Variants in BTD observed in about 807,000 individuals in gnomAD.
BTD encodes the protein biocytinase.
BTD carries 13 observed loss-of-function variants against 17.7 expected under a neutral mutation model. The observed-to-expected ratio is 0.74, with a 90% confidence interval of 0.48 to 1.17. BTD has a LOEUF of 1.17. Among genes scored for constraint, BTD ranks in the 50% most tolerant of loss-of-function variants. The pLI is 0.00. For missense variants in BTD, 674 were observed against 650.4 expected, an observed-to-expected ratio of 1.04 and a Z score of -0.39; for synonymous variants, 240 against 245.2, an observed-to-expected ratio of 0.98 and a Z score of 0.20.
chr3:15,641,260 C>T (rs771616882), intron 2 of BTD, among the ~76,000 whole-genome samples: 1 of 152,126 alleles, frequency 6.6e-6, no homozygotes, highest in Non-Finnish European at 1.5e-5. Context: ...AGATTTCAAG[C>T]GAGTTCTTGT....
intron 3 of BTD, chr3:15,689,851 C>A (rs1575163028): frequency 1.6e-6 from 1 of 616,046 alleles, no homozygotes; most frequent in Non-Finnish European, 2.7e-6. Flanking sequence ...TTTGTAAATT[C>A]ATTTGTGTGA....
At position 15,601,828 on chromosome 3, in the gene BTD, G is replaced by A. The variant is rs201756597; in HGVS notation, c.-83G>A. 1.2e-6 allele frequency: 2 copies of A among 1,614,086 alleles called. No individual in the cohort carries two copies. The highest frequency in any genetic ancestry group is 1.3e-5 in the African/African-American group (1 of 74,930). ...TGTCTCCGAGTCGGCCAGCTGGAGCGTTTTCGGGGCTGTAAAGGGAGAATG... is the reference window on the plus strand; with the variant it reads ...TGTCTCCGAGTCGGCCAGCTGGAGCATTTTCGGGGCTGTAAAGGGAGAATG... On this transcript the variant is annotated 5_prime_UTR_variant, in exon 1 of 4. Transcript: ENST00000643237.
chr3:15,642,187 C>G, intron 3 of BTD, 130 bp downstream of exon 3: 3 of 1,523,636 alleles, frequency 2.0e-6, no homozygotes, highest in Non-Finnish European at 2.6e-6. Context: ...ACCCAAACTC[C>G]CAAAGATCCA....
downstream of BTD, among the ~76,000 whole-genome samples, chr3:15,722,399 G>A (rs1039896691): frequency 6.6e-6 from 1 of 152,242 alleles, no homozygotes; most frequent in African/African-American, 2.4e-5. Context: ...TCCGTGAAGA[G>A]TGGACAAGGG....
intron 3 of BTD, chr3:15,697,443 A>G (rs1276167257): frequency 6.6e-6 from 1 of 152,198 alleles, no homozygotes; most frequent in African/African-American, 2.4e-5. Context: ...CTATGTAACC[A>G]AAAACCACCT....
At chr3:15,610,806 A>C (rs1382744498) in intron 1 of BTD, among the ~76,000 whole-genome samples, 1 of 152,204 alleles carries the variant, frequency 6.6e-6, no homozygotes, top group Non-Finnish European at 1.5e-5. Context: ...GATTTAAAAG[A>C]TAGGGTATTT....
At chr3:15,690,178 A>G (rs1041467290) in intron 3 of BTD, 6 of 1,607,962 alleles carry the variant, frequency 3.7e-6, no homozygotes, top group Non-Finnish European at 5.1e-6. Context: ...TCTAACAAAG[A>G]CTGTACCAAC....
chr3:15,686,728 C>T (rs1470909317), intron 3 of BTD, among the ~76,000 whole-genome samples: 3 of 152,318 alleles, frequency 2.0e-5, no homozygotes, highest in African/African-American at 7.2e-5. Flanking sequence ...CCAGGTCTGA[C>T]TACTGAGATG....
intron 3 of BTD, chr3:15,696,279 T>C (rs773910167): frequency 7.4e-7 from 1 of 1,358,596 alleles, no homozygotes; most frequent in Non-Finnish European, 1.0e-6. Flanking sequence ...CTGAAAATCC[T>C]AAATCCTGCA....
intron 3 of BTD, among the ~76,000 whole-genome samples, chr3:15,702,376 CTT>C (rs1338801055): frequency 3.3e-5 from 5 of 152,140 alleles, no homozygotes; most frequent in Admixed American, 3.3e-4. Flanking sequence ...TCTGTATACT[CTT>C]TTTTCTGTTT....
rs552436982 is a variant in BTD, at chr3:15,644,657, G to A, written c.741G>A (p.Val247=). ...VLRDYKVKHV[V]YPTAWMNQLP... ...GAGACTACAAGGTGAAGCATGTTGTGTACCCAACTGCCTGGATGAACCAGC... is the reference window on the plus strand; with the variant it reads ...GAGACTACAAGGTGAAGCATGTTGTATACCCAACTGCCTGGATGAACCAGC... Residue 247 remains valine, a synonymous_variant, in exon 4 of 4, where the codon GTG becomes GTA. Transcript: ENST00000643237. The A allele has an allele frequency of 5.6e-6, 9 of 1,614,154 alleles. No homozygotes were observed. The South Asian group carries it at 9.9e-5, about 18-fold the overall frequency.
chr3:15,635,684 A>G lies in BTD; in HGVS notation c.245A>G (p.Gln82Arg), dbSNP rs773170939. Residue 82 changes from glutamine (Q) to arginine (R), a missense_variant, in exon 2 of 4, where the codon CAA becomes CGA. Gln to Arg is a conservative substitution (Grantham distance 43). Transcript: ENST00000643237. The surrounding 1 kb of genome is among the most constrained non-coding windows in gnomAD (Gnocchi z 4.1). ...IYEQQVMTAA[Q>R]KDVQIIVFPE... ...GAACAGCAAGTGATGACTGCAGCCC[A>G]AAAGGCAAGAATGCTCCTCGGAACC... The G allele has an allele frequency of 1.1e-5, 17 of 1,614,084 alleles. No homozygotes were observed. In the South Asian group the frequency reaches 1.9e-4, roughly 18 times the overall value.
At chr3:15,663,598 G>A (rs931473133) in intron 3 of BTD, among the ~76,000 whole-genome samples, 33 of 152,016 alleles carry the variant, frequency 2.2e-4, no homozygotes, top group Admixed American at 1.3e-4. Context: ...CAAATTTGTT[G>A]GCATGAAGTT....
chr3:15,645,461 C>G lies in BTD; in HGVS notation c.1545C>G (p.Leu515=). 1 of 1,610,274 alleles carries G rather than the reference C, an allele frequency of 6.2e-7. No homozygotes were observed. Among genetic ancestry groups the G allele is most frequent in the Non-Finnish European group, 8.5e-7 (1 of 1,180,012 alleles). The stretch of plus-strand genomic sequence containing the variant: ...CCTCTGGGCTGGTGACGGCGGCTCT[C>G]TATGGGCGCTTGTATGAGAGGGACT... ...RLSSGLVTAA[L]YGRLYERD Residue 515 remains leucine (L), a synonymous_variant, in exon 4 of 4, where the codon CTC becomes CTG. Coordinates refer to ENST00000643237, the MANE Select transcript of BTD (RefSeq NM_001370658.1).
chr3:15,629,715 A>C (rs1342075111), intron 1 of BTD, among the ~76,000 whole-genome samples: 1 of 152,098 alleles, frequency 6.6e-6, no homozygotes, highest in Non-Finnish European at 1.5e-5. Context: ...TAGTACAGAC[A>C]GGGTTTCACC....
At chr3:15,604,764 AG>A (rs1273615561) in intron 1 of BTD, among the ~76,000 whole-genome samples, 2 of 152,240 alleles carry the variant, frequency 1.3e-5, no homozygotes, top group African/African-American at 4.8e-5. Context: ...TCTCTAGGAC[AG>A]GGGCAAAATG....
chr3:15,619,241 C>T (rs2064878005), intron 1 of BTD, among the ~76,000 whole-genome samples: 1 of 152,202 alleles, frequency 6.6e-6, no homozygotes, highest in Non-Finnish European at 1.5e-5. Flanking sequence ...GAGTTATTAT[C>T]ATTCCAAATG....
chr3:15,611,789 A>T (rs1013731790), intron 1 of BTD, among the ~76,000 whole-genome samples: 1 of 151,740 alleles, frequency 6.6e-6, no homozygotes. Context: ...AAAAAAAAAG[A>T]AAAAACAAAT....
At chr3:15,697,440 A>G (rs2069792458) in intron 3 of BTD, 1 of 152,164 alleles carries the variant, frequency 6.6e-6, no homozygotes, top group East Asian at 1.9e-4. Flanking sequence ...TATCTATGTA[A>G]CCAAAAACCA....
Sources: allele counts gnomAD v4.1 joint callset (sites outside exome capture counted in the v4.1 genomes callset), GRCh38; gene constraint gnomAD v4.1.1; non-coding constraint Gnocchi (gnomAD v3.1); transcripts MANE v1.5; gene names NCBI Gene and HGNC (gene_info 2026-07-23, HGNC 2026-07-21).